The following DCLK2 variants were observed in gnomAD, a reference collection of about 807,000 sequenced individuals.
The protein encoded by DCLK2 is serine/threonine-protein kinase DCLK2.
DCLK2 carries 31 observed loss-of-function variants against 78.4 expected under a neutral mutation model. The observed-to-expected ratio is 0.40, with a 90% CI of 0.30 to 0.53. The LOEUF is 0.53. Ranked by LOEUF, DCLK2 falls within the 20% of genes least tolerant of loss-of-function variation. DCLK2 has a pLI of 0.61. For synonymous variants in DCLK2, 407 were observed against 374.9 expected, an observed-to-expected ratio of 1.09 and a Z score of -0.99; for missense variants, 872 against 973.7, an observed-to-expected ratio of 0.90 and a Z score of 1.39.
intron 1 of DCLK2, among the ~76,000 whole-genome samples, chr4:150,092,975 A>G (rs1277907925): frequency 1.3e-5 from 2 of 152,212 alleles, no homozygotes; most frequent in African/African-American, 4.8e-5. Context: ...AAAGGTACCT[A>G]AATCAGAAAG....
At chr4:150,113,233 G>A (rs1731829155) in intron 2 of DCLK2, among the ~76,000 whole-genome samples, 1 of 152,038 alleles carries the variant, frequency 6.6e-6, no homozygotes, top group African/African-American at 2.4e-5. Context: ...TTCTAGTTTG[G>A]GTATCAGGCT....
rs1580694703 is a variant in DCLK2 at position 150,195,318 on chromosome 4, TATATTATATATTATATATATTATATA to T, written c.859+2115_859+2140del. ...ATATATTATATATTATATTATATAT[TATATTATATATTATATATATTATATA>T]ATATTATATATTATATATATTATAT... On this transcript the variant is annotated intron_variant, in intron 3 of 15. Transcript: ENST00000296550. Among the ~76,000 whole-genome samples the T allele has an allele frequency of 1.2e-3, 4 of 3,310 alleles. 1 individual carries two copies. Among genetic ancestry groups the T allele is most frequent in the East Asian group, 0.011 (3 of 262 alleles). 2.2% of individuals were successfully genotyped at this position (3,310 alleles called of 152,430 possible).
At position 150,248,347 on chromosome 4, in the gene DCLK2, T is replaced by C; in HGVS notation, c.1918T>C (p.Cys640Arg). ...QMLQVNVEAR[C>R]TAGQILSHPW... is the part of the protein sequence containing the mutation. ...GCTTCAGGTAAATGTTGAAGCTCGGTGTACCGCGGGACAAATCCTGAGTCA... is the reference window on the plus strand; with the variant it reads ...GCTTCAGGTAAATGTTGAAGCTCGGCGTACCGCGGGACAAATCCTGAGTCA... Residue 640 changes from cysteine (C) to arginine (R), a missense_variant, in exon 14 of 16, where the codon TGT (cysteine) becomes CGT (arginine). Around this residue, in one of 3 missense-constraint regions of DCLK2, gnomAD observed 219 missense variants for 230.1 expected, o/e 0.95. Transcript: ENST00000296550. 6.2e-7 allele frequency: 1 copy of C among 1,613,972 alleles called. No homozygotes were observed. Among genetic ancestry groups the C allele is most frequent in the Non-Finnish European group, 8.5e-7 (1 of 1,179,992 alleles).
intron 2 of DCLK2, among the ~76,000 whole-genome samples, chr4:150,159,452 A>G (rs971955469): frequency 6.6e-6 from 1 of 152,146 alleles, no homozygotes; most frequent in South Asian, 2.1e-4. Flanking sequence ...TCTCTCACCC[A>G]CTTTGAAACC....
At chr4:150,252,238 T>A (rs1461750378) in intron 15 of DCLK2, among the ~76,000 whole-genome samples, 1 of 152,226 alleles carries the variant, frequency 6.6e-6, no homozygotes, top group Non-Finnish European at 1.5e-5. Flanking sequence ...AGTCTTGCTG[T>A]GCACTGCGTT....
intron 2 of DCLK2, among the ~76,000 whole-genome samples, chr4:150,130,601 A>G (rs1170822198): frequency 6.6e-6 from 1 of 152,158 alleles, no homozygotes; most frequent in African/African-American, 2.4e-5. Context: ...AGTTAAGTTT[A>G]AACAGGGGGC....
At chr4:150,199,113 T>G (rs1739281349) in intron 4 of DCLK2, 1 of 1,578,328 alleles carries the variant, frequency 6.3e-7, no homozygotes, top group Non-Finnish European at 8.6e-7. Context: ...GTTGCTCTGC[T>G]GGGTTTTTGT....
intron 2 of DCLK2, among the ~76,000 whole-genome samples, chr4:150,110,466 C>CT (rs34905138): frequency 0.37 from 55,579 of 148,596 alleles, 10,399 homozygotes; most frequent in Non-Finnish European, 0.42. Flanking sequence ...TATGTTAGTG[C>CT]TTTTTTTTTT....
intron 8 of DCLK2, among the ~76,000 whole-genome samples, chr4:150,230,390 C>T (rs1337340358): frequency 2.0e-5 from 3 of 152,060 alleles, no homozygotes; most frequent in Non-Finnish European, 4.4e-5. Context: ...TTACAGATAT[C>T]ACTAAATTAG....
chr4:150,220,224 T>C (rs1741080901), intron 5 of DCLK2, among the ~76,000 whole-genome samples: 1 of 152,202 alleles, frequency 6.6e-6, no homozygotes, highest in South Asian at 2.1e-4. Flanking sequence ...TGCCTTCAAC[T>C]TTAGCAGCTG....
At chr4:150,249,197 T>A (rs533006736) in intron 14 of DCLK2, among the ~76,000 whole-genome samples, 6 of 152,202 alleles carry the variant, frequency 3.9e-5, no homozygotes, top group Non-Finnish European at 8.8e-5. Context: ...AATTCTTGAT[T>A]AAAGTGAAAA....
chr4:150,106,838 C>T lies in DCLK2; in HGVS notation c.756+4026C>T, dbSNP rs539105686. Reference sequence around the variant, plus strand: ...GAACACATCTTGCCACTAGCAATGACTCCATTTACAAGGTCTGACTTCGTT... The same window carrying T: ...GAACACATCTTGCCACTAGCAATGATTCCATTTACAAGGTCTGACTTCGTT... On this transcript the variant is annotated intron_variant, in intron 2 of 15. Coordinates refer to ENST00000296550, the MANE Select transcript of DCLK2 (RefSeq NM_001040260.4). Among the ~76,000 whole-genome samples the T allele has an allele frequency of 1.9e-3, 288 of 152,310 alleles. 3 individuals carry two copies. Among genetic ancestry groups the T allele is most frequent in the Non-Finnish European group, 3.3e-3 (227 of 68,032 alleles).
At position 150,079,372 on chromosome 4, in the gene DCLK2, C is replaced by T; in HGVS notation, c.345C>T (p.Asn115=). Residue 115 remains asparagine (N), a synonymous_variant, in exon 1 of 16, where the codon AAC becomes AAT. Coordinates refer to ENST00000296550, the MANE Select transcript of DCLK2 (RefSeq NM_001040260.4). ...CCCGCTCCCTGTCGGACAACGTGAA[C>T]CTGCCCCAGGGTGTCCGCACTATCT... ...ELTRSLSDNV[N]LPQGVRTIYT... is the part of the protein sequence containing the mutation. The T allele has an allele frequency of 1.9e-6, 3 of 1,589,570 alleles. No homozygotes were observed. Among genetic ancestry groups the T allele is most frequent in the Non-Finnish European group, 2.6e-6 (3 of 1,168,132 alleles).
chr4:150,099,177 C>T (rs1332670283), intron 1 of DCLK2, among the ~76,000 whole-genome samples: 1 of 152,100 alleles, frequency 6.6e-6, no homozygotes. Context: ...GGAGGCTAAT[C>T]GCTTCTAATC....
chr4:150,175,864 C>G (rs1464369811), intron 2 of DCLK2, among the ~76,000 whole-genome samples: 1 of 152,148 alleles, frequency 6.6e-6, no homozygotes, highest in Non-Finnish European at 1.5e-5. Flanking sequence ...TCTCCCCTCT[C>G]TGTACCGTGC....
intron 1 of DCLK2, among the ~76,000 whole-genome samples, chr4:150,088,114 G>T (rs1369242509): frequency 6.6e-6 from 1 of 152,288 alleles, no homozygotes; most frequent in African/African-American, 2.4e-5. Context: ...CTCCCCTGAT[G>T]TCCTTGCTCA....
intron 1 of DCLK2, among the ~76,000 whole-genome samples, chr4:150,093,116 T>C (rs560769962): frequency 6.6e-6 from 1 of 152,340 alleles, no homozygotes; most frequent in African/African-American, 2.4e-5. Flanking sequence ...CACAAATCAG[T>C]TGTGTTTGTA....
chr4:150,176,823 G>A (rs1403230781), intron 2 of DCLK2, among the ~76,000 whole-genome samples: 1 of 152,214 alleles, frequency 6.6e-6, no homozygotes, highest in African/African-American at 2.4e-5. Flanking sequence ...GGAGGGGATG[G>A]TTATTTAAGA....
At chr4:150,225,201 C>T (rs983533751) in intron 8 of DCLK2, among the ~76,000 whole-genome samples, 2 of 152,206 alleles carry the variant, frequency 1.3e-5, no homozygotes, top group African/African-American at 4.8e-5. Flanking sequence ...TGCCGTTTGC[C>T]CGTAAGGGAG....
Sources: allele counts gnomAD v4.1 joint callset (sites outside exome capture counted in the v4.1 genomes callset), GRCh38; gene constraint gnomAD v4.1.1; regional missense constraint gnomAD v4.1.1; transcripts MANE v1.5; gene names NCBI Gene and HGNC (gene_info 2026-07-23, HGNC 2026-07-21).